The following RGL1 variants were observed in gnomAD, a reference collection of about 807,000 sequenced individuals.
The protein encoded by RGL1 is ral guanine nucleotide dissociation stimulator-like 1.
A neutral mutation model predicts 95.2 loss-of-function variants in RGL1; 24 were observed. That is an observed-to-expected ratio of 0.25 (90% CI 0.18 to 0.35). The LOEUF (loss-of-function observed/expected upper bound fraction) is 0.35. RGL1 is among the 10% of genes least tolerant of loss of function. The pLI, the probability that RGL1 is intolerant of heterozygous loss-of-function variation, is 1.00. For missense variants in RGL1, 715 were observed against 936.3 expected (o/e 0.76, Z 3.08); for synonymous variants, 329 against 344.9 (o/e 0.95, Z 0.51).
At chr1:183,807,036 T>C (rs994170855) in intron 2 of RGL1, among the ~76,000 whole-genome samples, 4 of 152,166 alleles carry the variant, frequency 2.6e-5, no homozygotes, top group African/African-American at 9.7e-5. Context: ...ACTTTGTGTG[T>C]AGAGTGGTGG....
At chr1:183,781,931 G>C (rs557444765) in intron 2 of RGL1, among the ~76,000 whole-genome samples, 1 of 152,308 alleles carries the variant, frequency 6.6e-6, no homozygotes, top group Admixed American at 6.5e-5. Flanking sequence ...ATTTTGAATA[G>C]ATAGAAAAAT....
chr1:183,852,844 T>G lies in RGL1; in HGVS notation c.347+5070T>G, dbSNP rs572977642. Among the ~76,000 whole-genome samples the G allele has an allele frequency of 2.6e-5, 4 of 152,102 alleles. No individual in the cohort carries two copies. The East Asian group carries it at 7.7e-4, about 29-fold the overall frequency. On this transcript the variant is annotated intron_variant, in intron 3 of 17. Transcript: ENST00000360851. ...TCTCTCCACCATACCATTTTAAACA[T>G]AAGGGTGTTAGATACTACTGAATAT...
intron 2 of RGL1, among the ~76,000 whole-genome samples, chr1:183,744,510 G>A (rs577284766): frequency 2.0e-4 from 31 of 152,228 alleles, no homozygotes; most frequent in Middle Eastern, 3.4e-3. Flanking sequence ...TTGCACCCTA[G>A]GCTTGATGCT....
In RGL1 at chr1:183,835,474, C is replaced by A. The variant is rs1209396045; in HGVS notation, c.139-12092C>A. ...CAGTCTGTATTACCCAGTAGTTTCT[C>A]ATGCAGAAGCCAGCTTCTCCTGGCT... On this transcript the variant is annotated intron_variant, in intron 2 of 17. Coordinates refer to ENST00000360851, the MANE Select transcript of RGL1 (RefSeq NM_001297671.3). Among the ~76,000 whole-genome samples the A allele has an allele frequency of 2.6e-5, 4 of 152,290 alleles. No homozygotes were observed. The East Asian group carries it at 5.8e-4, about 22-fold the overall frequency.
At chr1:183,823,242 C>G (rs1483161674) in intron 2 of RGL1, among the ~76,000 whole-genome samples, 1 of 151,836 alleles carries the variant, frequency 6.6e-6, no homozygotes, top group Non-Finnish European at 1.5e-5. Flanking sequence ...ATATATTGCC[C>G]CCAAGACTTA....
At chr1:183,787,131 A>C (rs1324800845) in intron 2 of RGL1, among the ~76,000 whole-genome samples, 4 of 152,224 alleles carry the variant, frequency 2.6e-5, no homozygotes, top group African/African-American at 9.7e-5. Flanking sequence ...AGCTAATGAG[A>C]GAGTGAGCAA....
chr1:183,651,234 A>G (rs1034036887), intron 1 of RGL1, among the ~76,000 whole-genome samples: 1 of 152,070 alleles, frequency 6.6e-6, no homozygotes, highest in Non-Finnish European at 1.5e-5. Context: ...TTATGGTTTC[A>G]TTTTTTACAT....
Position 183,743,793 on chromosome 1 carries a change from A to G in RGL1, c.132+1504A>G, listed in dbSNP as rs151280574. Among the ~76,000 whole-genome samples, 443 of 152,284 alleles carry G rather than the reference A, an allele frequency of 2.9e-3. 4 individuals carry two copies. Among genetic ancestry groups the G allele is most frequent in the African/African-American group, 0.01 (426 of 41,564 alleles). ...AATCATAACAAGTGGAAATATATAA[A>G]TTCCTTGTTTGACAGCATGAGGCTA... On this transcript the variant is annotated intron_variant, in intron 2 of 18. Transcript: ENST00000304685.
intron 5 of RGL1, among the ~76,000 whole-genome samples, chr1:183,881,546 T>C (rs984713287): frequency 7.2e-5 from 11 of 152,210 alleles, no homozygotes; most frequent in Admixed American, 3.3e-4. Flanking sequence ...TTGTATCCTC[T>C]CACTGGGGTG....
chr1:183,845,947 G>C (rs781149816), intron 2 of RGL1, among the ~76,000 whole-genome samples: 2 of 152,138 alleles, frequency 1.3e-5, no homozygotes, highest in Non-Finnish European at 2.9e-5. Flanking sequence ...TAGGTTGCCT[G>C]TTCACTCATA....
At chr1:183,660,379 C>T (rs143281471) in intron 1 of RGL1, among the ~76,000 whole-genome samples, 1 of 148,738 alleles carries the variant, frequency 6.7e-6, no homozygotes, top group East Asian at 1.9e-4. Flanking sequence ...CAAGCAAATG[C>T]AAAACACAAA....
intron 1 of RGL1, among the ~76,000 whole-genome samples, chr1:183,686,732 A>C (rs1653609316): frequency 6.6e-6 from 1 of 152,182 alleles, no homozygotes; most frequent in Non-Finnish European, 1.5e-5. Flanking sequence ...CCATGACTTT[A>C]AATACCATCT....
chr1:183,695,778 C>T (rs576323568), intron 1 of RGL1, among the ~76,000 whole-genome samples: 19 of 152,134 alleles, frequency 1.2e-4, no homozygotes, highest in Non-Finnish European at 2.1e-4. Flanking sequence ...GTAACATTAA[C>T]GAAGCTATTT....
intron 14 of RGL1, 132 bp downstream of exon 14, chr1:183,907,233 T>G: frequency 1.6e-6 from 1 of 641,258 alleles, no homozygotes; most frequent in South Asian, 1.7e-5. Flanking sequence ...AAGCCGTTTA[T>G]CCTTCTGTCA....
At chr1:183,819,261 A>G (rs1662290721) in intron 2 of RGL1, among the ~76,000 whole-genome samples, 1 of 152,210 alleles carries the variant, frequency 6.6e-6, no homozygotes, top group Admixed American at 6.5e-5. Flanking sequence ...CATAGTAATG[A>G]AGGTTATGCC....
chr1:183,898,206 C>G (rs562247601), intron 10 of RGL1, among the ~76,000 whole-genome samples: 5 of 152,192 alleles, frequency 3.3e-5, no homozygotes, highest in African/African-American at 9.7e-5. Flanking sequence ...CTTCCGCCCC[C>G]TCCTGCACTT....
intron 8 of RGL1, among the ~76,000 whole-genome samples, chr1:183,889,480 TG>T (rs370484243): frequency 6.1e-4 from 93 of 152,252 alleles, no homozygotes; most frequent in African/African-American, 1.9e-3. Flanking sequence ...GCTGCCTTAG[TG>T]GGGCAGAATG....
At chr1:183,846,345 A>G (rs996730621) in intron 2 of RGL1, among the ~76,000 whole-genome samples, 1 of 151,982 alleles carries the variant, frequency 6.6e-6, no homozygotes, top group African/African-American at 2.4e-5. Context: ...TTGAACAATG[A>G]GGACATATGG....
chr1:183,651,814 T>C (rs1019773033), intron 1 of RGL1, among the ~76,000 whole-genome samples: 4 of 152,170 alleles, frequency 2.6e-5, no homozygotes, highest in African/African-American at 9.7e-5. Context: ...CAGTGGACGA[T>C]CTCTTGGAAC....
Sources: allele counts gnomAD v4.1 joint callset (sites outside exome capture counted in the v4.1 genomes callset), GRCh38; gene constraint gnomAD v4.1.1; transcripts MANE v1.5; gene names NCBI Gene and HGNC (gene_info 2026-07-23, HGNC 2026-07-21).